The following AGMO variants were observed in gnomAD, a reference collection of about 807,000 sequenced individuals.
AGMO encodes alkylglycerol monooxygenase.
A neutral mutation model predicts 60.2 loss-of-function variants in AGMO; 75 were observed. The observed-to-expected ratio is 1.25, with a 90% CI of 1.03 to 1.51. The LOEUF (loss-of-function observed/expected upper bound fraction) is 1.51, where lower values mean the gene tolerates loss of function less well. Among genes scored for constraint, AGMO ranks in the 40% most tolerant of loss-of-function variants. The pLI is 0.00. For synonymous variants in AGMO, 261 were observed against 177.1 expected, an observed-to-expected ratio of 1.47 and a Z score of -3.76; for missense variants, 763 against 525.5, an observed-to-expected ratio of 1.45 and a Z score of -4.42.
rs1049780326 is a variant in AGMO, at chr7:15,388,761, A to G, written c.823-1221T>C. Among the ~76,000 whole-genome samples the G allele has an allele frequency of 3.9e-5, 6 of 152,188 alleles. No individual in the cohort carries two copies. In the East Asian group the frequency reaches 1.2e-3, roughly 29 times the overall value. On this transcript the variant is annotated intron_variant, in intron 8 of 12. Coordinates refer to ENST00000342526, the MANE Select transcript of AGMO (RefSeq NM_001004320.2). ...GAATAGGTGAGAAATTTACCTGTAT[A>G]TAAAGGAATGGAAGTGAAAATAAGT...
chr7:15,415,304 G>A (rs567741662), intron 5 of AGMO, among the ~76,000 whole-genome samples: 1 of 152,026 alleles, frequency 6.6e-6, no homozygotes, highest in Admixed American at 6.6e-5. Context: ...CAGCACTTTG[G>A]AAGGCCAACG....
chr7:15,247,562 T>C (rs1216615591), intron 12 of AGMO, among the ~76,000 whole-genome samples: 1 of 151,874 alleles, frequency 6.6e-6, no homozygotes, highest in Non-Finnish European at 1.5e-5. Flanking sequence ...ACCAAAGCCA[T>C]TTTCTGACAA....
chr7:15,194,405 ATAACT>A, the AGMO span, among the ~76,000 whole-genome samples: 1 of 152,132 alleles, frequency 6.6e-6, no homozygotes, highest in Non-Finnish European at 1.5e-5. Context: ...TATAAGTAAA[ATAACT>A]TAAAAGTCTT....
At chr7:15,459,451 A>T (rs1211918683) in intron 3 of AGMO, among the ~76,000 whole-genome samples, 1 of 152,114 alleles carries the variant, frequency 6.6e-6, no homozygotes, top group Non-Finnish European at 1.5e-5. Flanking sequence ...TATGTTCCGA[A>T]TGCTCTCATT....
the AGMO span, among the ~76,000 whole-genome samples, chr7:15,184,699 AGGAGGAAGGGAGGG>A: frequency 4.5e-5 from 1 of 22,270 alleles, no homozygotes; most frequent in African/African-American, 2.3e-4. Context: ...AGGAAGGGAA[AGGAGGAAGGGAGGG>A]AAGGAAGGAA....
At chr7:15,458,973 T>C (rs1162615535) in intron 3 of AGMO, among the ~76,000 whole-genome samples, 2 of 152,050 alleles carry the variant, frequency 1.3e-5, no homozygotes, top group African/African-American at 4.8e-5. Context: ...TTTTTTCAGG[T>C]CAGAAGAGGA....
intron 9 of AGMO, among the ~76,000 whole-genome samples, chr7:15,386,378 T>C (rs1406482750): frequency 6.6e-6 from 1 of 152,188 alleles, no homozygotes; most frequent in African/African-American, 2.4e-5. Context: ...TAATGCAGAC[T>C]CCAGCACTCA....
the AGMO span, among the ~76,000 whole-genome samples, chr7:15,178,526 C>T: frequency 1.3e-5 from 2 of 151,978 alleles, no homozygotes. Context: ...TTGTATAAAT[C>T]AGTGTTTATC....
rs1554401093 is a variant in AGMO at position 15,247,470 on chromosome 7, A to AGG, written c.1264-46112_1264-46111insCC. On this transcript the variant is annotated intron_variant, in intron 12 of 12. Transcript: ENST00000342526. ...CACACACACACACACAGAGAGAGAG[A>AGG]GAGAGAGAGGGAGAGAGAGGGAGAG... Among the ~76,000 whole-genome samples, 143 of 149,998 alleles carry AGG rather than the reference A, an allele frequency of 9.5e-4. 1 individual carries two copies. Among genetic ancestry groups the AGG allele is most frequent in the African/African-American group, 3.1e-3 (127 of 40,358 alleles).
At chr7:15,275,545 A>G (rs1417022779) in intron 12 of AGMO, among the ~76,000 whole-genome samples, 1 of 152,164 alleles carries the variant, frequency 6.6e-6, no homozygotes, top group Non-Finnish European at 1.5e-5. Flanking sequence ...AATGTTCTAT[A>G]AATGTCTATC....
chr7:15,332,274 T>TC (rs944356258), intron 12 of AGMO, among the ~76,000 whole-genome samples: 8 of 152,104 alleles, frequency 5.3e-5, no homozygotes, highest in African/African-American at 1.9e-4. Context: ...CTATCAGGAC[T>TC]CCCCTCCCTG....
chr7:15,241,618 G>A (rs908585859), intron 12 of AGMO, among the ~76,000 whole-genome samples: 4 of 152,050 alleles, frequency 2.6e-5, no homozygotes, highest in Non-Finnish European at 5.9e-5. Flanking sequence ...GACATGATGA[G>A]TCAAAGATGA....
intron 12 of AGMO, among the ~76,000 whole-genome samples, chr7:15,222,430 T>C (rs566211549): frequency 6.6e-6 from 1 of 152,234 alleles, no homozygotes; most frequent in African/African-American, 2.4e-5. Context: ...AGTGAGTGGC[T>C]AGAGCGATTG....
chr7:15,550,623 G>A (rs1784925402), intron 2 of AGMO, among the ~76,000 whole-genome samples: 1 of 151,350 alleles, frequency 6.6e-6, no homozygotes, highest in South Asian at 2.1e-4. Flanking sequence ...CCAGGAAGAA[G>A]TTGAATCTCT....
At chr7:15,255,849 G>T (rs921343959) in intron 12 of AGMO, among the ~76,000 whole-genome samples, 2 of 152,178 alleles carry the variant, frequency 1.3e-5, no homozygotes, top group Non-Finnish European at 2.9e-5. Context: ...AATTGGCCAG[G>T]TTGTGGTTTT....
chr7:15,220,486 A>G (rs1781885867), intron 12 of AGMO, among the ~76,000 whole-genome samples: 1 of 151,454 alleles, frequency 6.6e-6, no homozygotes, highest in African/African-American at 2.4e-5. Flanking sequence ...CCAAACTGCT[A>G]GGATTACAGG....
At chr7:15,497,420 A>G (rs1016907070) in intron 3 of AGMO, among the ~76,000 whole-genome samples, 1 of 152,108 alleles carries the variant, frequency 6.6e-6, no homozygotes, top group Non-Finnish European at 1.5e-5. Context: ...CACATATAAA[A>G]TCTAGTTGAG....
At chr7:15,124,484 TAC>T in the AGMO span, among the ~76,000 whole-genome samples, 1 of 152,036 alleles carries the variant, frequency 6.6e-6, no homozygotes, top group Non-Finnish European at 1.5e-5. Context: ...TGGGGCAATT[TAC>T]AGTTTTCAAT....
Position 15,231,528 on chromosome 7 carries a change from C to T in AGMO, c.1264-30169G>A, listed in dbSNP as rs189946979. ...ATATTTTATAATGTCAGTTTAAAAT[C>T]AAATAATGTGTTACACATCACACCA... is the stretch of plus-strand genomic sequence containing the variant. On this transcript the variant is annotated intron_variant, in intron 12 of 12. Coordinates refer to ENST00000342526, the MANE Select transcript of AGMO (RefSeq NM_001004320.2). Among the ~76,000 whole-genome samples the T allele has an allele frequency of 1.8e-3, 274 of 152,224 alleles. 1 individual carries two copies. The highest frequency in any genetic ancestry group is 6.2e-3 in the African/African-American group (259 of 41,538).
Sources: allele counts gnomAD v4.1 joint callset (sites outside exome capture counted in the v4.1 genomes callset), GRCh38; gene constraint gnomAD v4.1.1; transcripts MANE v1.5; gene names NCBI Gene and HGNC (gene_info 2026-07-23, HGNC 2026-07-21).